Variants in IGF2BP3 observed in about 807,000 individuals in gnomAD.
IGF2BP3 encodes the protein insulin-like growth factor 2 mRNA-binding protein 3.
Under a neutral mutation model 73.8 loss-of-function variants are expected in IGF2BP3, and 9 were observed. The ratio of observed to expected loss-of-function variants is 0.12; its 90% CI spans 0.07 to 0.21. The LOEUF (loss-of-function observed/expected upper bound fraction) is 0.21, where lower values mean the gene tolerates loss of function less well. IGF2BP3 is among the 10% of genes least tolerant of loss of function. The pLI is 1.00. For synonymous variants in IGF2BP3, 258 were observed against 256.7 expected (o/e 1.01, Z -0.05); for missense variants, 542 against 714.0 (o/e 0.76, Z 2.75).
intron 10 of IGF2BP3, among the ~76,000 whole-genome samples, chr7:23,323,739 TC>T (rs1784220067): frequency 1.3e-5 from 2 of 152,238 alleles, no homozygotes; most frequent in South Asian, 4.2e-4. Flanking sequence ...CACAGTGCAA[TC>T]AAACTAGAAC....
intron 3 of IGF2BP3, among the ~76,000 whole-genome samples, chr7:23,372,056 T>C (rs748127576): frequency 6.6e-6 from 1 of 152,104 alleles, no homozygotes; most frequent in Non-Finnish European, 1.5e-5. Flanking sequence ...TAGGTGGTAT[T>C]TGGTTACATG....
At chr7:23,464,046 C>T (rs1788508759) in intron 2 of IGF2BP3, among the ~76,000 whole-genome samples, 1 of 152,160 alleles carries the variant, frequency 6.6e-6, no homozygotes, top group Non-Finnish European at 1.5e-5. Flanking sequence ...GAAGGAGTAC[C>T]ACTGCTATTC....
At chr7:23,441,993 G>A (rs1180471689) in intron 2 of IGF2BP3, among the ~76,000 whole-genome samples, 1 of 152,084 alleles carries the variant, frequency 6.6e-6, no homozygotes, top group Non-Finnish European at 1.5e-5. Flanking sequence ...CGGGTGTGGT[G>A]GTGCATGCCT....
At position 23,398,624 on chromosome 7, in the gene IGF2BP3, A is replaced by T. The variant is rs189125727; in HGVS notation, c.285+20152T>A. On this transcript the variant is annotated intron_variant, in intron 3 of 14. Coordinates refer to ENST00000258729, the MANE Select transcript of IGF2BP3 (RefSeq NM_006547.3). The stretch of plus-strand genomic sequence containing the variant: ...GCCATTTTAACTGGTATGAGATGGT[A>T]TCTCATTGTGGTTTTGATTTGCATT... 7.2e-5 allele frequency among the ~76,000 whole-genome samples: 11 copies of T among 152,274 alleles called. No individual in the cohort carries two copies. The East Asian group carries it at 2.1e-3, about 29-fold the overall frequency.
chr7:23,403,380 A>G (rs1351187310), intron 3 of IGF2BP3, among the ~76,000 whole-genome samples: 1 of 152,212 alleles, frequency 6.6e-6, no homozygotes, highest in Non-Finnish European at 1.5e-5. Context: ...TTTTTTGTAT[A>G]AATAATTTTT....
intron 3 of IGF2BP3, among the ~76,000 whole-genome samples, chr7:23,371,935 A>G (rs995295458): frequency 1.3e-5 from 2 of 152,242 alleles, no homozygotes; most frequent in African/African-American, 2.4e-5. Context: ...TCACAGTGGA[A>G]AAACCGAATC....
intron 3 of IGF2BP3, among the ~76,000 whole-genome samples, chr7:23,371,525 T>G (rs554353831): frequency 6.6e-6 from 1 of 152,144 alleles, no homozygotes; most frequent in Non-Finnish European, 1.5e-5. Flanking sequence ...TAAAGAAATA[T>G]CCACCTTAAT....
chr7:23,459,179 A>G (rs1304912352), intron 2 of IGF2BP3, among the ~76,000 whole-genome samples: 1 of 152,228 alleles, frequency 6.6e-6, no homozygotes, highest in Non-Finnish European at 1.5e-5. Flanking sequence ...GGAGTTATTC[A>G]GAACAAGTCC....
intron 2 of IGF2BP3, among the ~76,000 whole-genome samples, chr7:23,425,277 T>C (rs1222036268): frequency 1.3e-5 from 2 of 152,260 alleles, no homozygotes; most frequent in Non-Finnish European, 2.9e-5. Context: ...TATGTAGTGG[T>C]CCAAAGTCAT....
chr7:23,403,850 C>T (rs576669959), intron 3 of IGF2BP3, among the ~76,000 whole-genome samples: 9 of 151,934 alleles, frequency 5.9e-5, no homozygotes, highest in East Asian at 5.8e-4. Flanking sequence ...TGGCCAGGCA[C>T]GGTGACTCAC....
At chr7:23,312,522 CCTT>C in intron 14 of IGF2BP3, 62 bp from the exon 15 acceptor site, 1 of 1,167,342 alleles carries the variant, frequency 8.6e-7, no homozygotes, top group Non-Finnish European at 1.3e-6. Flanking sequence ...TTATTGTACT[CCTT>C]CATTTCAACA....
At chr7:23,327,222 A>G (rs1784324554) in intron 10 of IGF2BP3, among the ~76,000 whole-genome samples, 1 of 151,998 alleles carries the variant, frequency 6.6e-6, no homozygotes, top group African/African-American at 2.4e-5. Context: ...ACTCAAGTTA[A>G]CCCATCAGTA....
At chr7:23,464,444 A>G (rs1788517284) in intron 2 of IGF2BP3, among the ~76,000 whole-genome samples, 1 of 152,186 alleles carries the variant, frequency 6.6e-6, no homozygotes, top group African/African-American at 2.4e-5. Context: ...AGTGTTGGGC[A>G]ACTATCACTG....
At chr7:23,400,158 A>T (rs1400862944) in intron 3 of IGF2BP3, among the ~76,000 whole-genome samples, 2 of 152,232 alleles carry the variant, frequency 1.3e-5, no homozygotes, top group Admixed American at 1.3e-4. Flanking sequence ...ATAGTAAATC[A>T]TGCATTAAAA....
At chr7:23,366,872 C>T (rs949527011) in intron 3 of IGF2BP3, among the ~76,000 whole-genome samples, 1 of 152,042 alleles carries the variant, frequency 6.6e-6, no homozygotes, top group African/African-American at 2.4e-5. Flanking sequence ...TAAGGCAGGC[C>T]ATTATTTGAA....
chr7:23,466,629 A>C (rs1788572775), intron 2 of IGF2BP3, among the ~76,000 whole-genome samples: 1 of 152,230 alleles, frequency 6.6e-6, no homozygotes, highest in Non-Finnish European at 1.5e-5. Context: ...GTTTATTATA[A>C]AGTAACAAGT....
At chr7:23,394,079 T>A (rs1488374351) in intron 3 of IGF2BP3, among the ~76,000 whole-genome samples, 7 of 152,078 alleles carry the variant, frequency 4.6e-5, no homozygotes. Flanking sequence ...AAAAAAAAAA[T>A]TATTAGTGTT....
At chr7:23,327,260 G>T (rs1409270074) in intron 10 of IGF2BP3, among the ~76,000 whole-genome samples, 3 of 148,544 alleles carry the variant, frequency 2.0e-5, no homozygotes, top group African/African-American at 7.4e-5. Flanking sequence ...ACAGCCATAA[G>T]ACAGATCCTA....
At chr7:23,419,373 T>A (rs1256549207) in intron 2 of IGF2BP3, among the ~76,000 whole-genome samples, 2 of 152,218 alleles carry the variant, frequency 1.3e-5, no homozygotes, top group Non-Finnish European at 2.9e-5. Context: ...ATAAATCAGA[T>A]ATTTTCATAC....
Sources: allele counts gnomAD v4.1 joint callset (sites outside exome capture counted in the v4.1 genomes callset), GRCh38; gene constraint gnomAD v4.1.1; transcripts MANE v1.5; gene names NCBI Gene and HGNC (gene_info 2026-07-23, HGNC 2026-07-21).